NSMCE2: variants seen among roughly 807,000 people sequenced by gnomAD.
NSMCE2 encodes the protein NSE2 SUMO ligase component of SMC5/6 complex, also known as E3 SUMO-protein ligase NSE2.
A neutral mutation model predicts 23.8 loss-of-function variants in NSMCE2; 24 were observed. The observed-to-expected ratio is 1.01, with a 90% CI of 0.73 to 1.42. NSMCE2 has a LOEUF of 1.42. Among genes scored for constraint, NSMCE2 ranks in the 40% most tolerant of loss-of-function variants. The pLI, the probability that NSMCE2 is intolerant of heterozygous loss-of-function variation, is 0.00. For synonymous variants in NSMCE2, 92 were observed against 94.1 expected, an observed-to-expected ratio of 0.98 and a Z score of 0.13; for missense variants, 284 against 296.5, an observed-to-expected ratio of 0.96 and a Z score of 0.31.
At chr8:125,248,685 A>G (rs904267751) in intron 5 of NSMCE2, among the ~76,000 whole-genome samples, 2 of 152,136 alleles carry the variant, frequency 1.3e-5, no homozygotes, top group African/African-American at 2.4e-5. Context: ...TCCTTGATAC[A>G]TTAAGTTTTT....
At chr8:125,198,741 G>A (rs781093669) in intron 5 of NSMCE2, among the ~76,000 whole-genome samples, 5 of 152,170 alleles carry the variant, frequency 3.3e-5, no homozygotes, top group Non-Finnish European at 4.4e-5. Flanking sequence ...TCTGTTGATT[G>A]GAATGGTTTC....
intron 3 of NSMCE2, among the ~76,000 whole-genome samples, chr8:125,146,242 T>C (rs932337746): frequency 6.6e-6 from 1 of 152,166 alleles, no homozygotes; most frequent in Non-Finnish European, 1.5e-5. Flanking sequence ...CTTGTCCTCC[T>C]TGTGTTTAAA....
intron 3 of NSMCE2, among the ~76,000 whole-genome samples, chr8:125,136,050 G>A (rs1477134879): frequency 2.0e-5 from 3 of 152,126 alleles, no homozygotes; most frequent in African/African-American, 7.2e-5. Flanking sequence ...AGTCACTCTT[G>A]TTCTTTCCTC....
chr8:125,298,986 C>T (rs971161218), intron 5 of NSMCE2, among the ~76,000 whole-genome samples: 2 of 152,152 alleles, frequency 1.3e-5, no homozygotes, highest in African/African-American at 4.8e-5. Flanking sequence ...ATTGCTGAAA[C>T]ATTTTTCTGC....
chr8:125,203,306 G>C (rs1823968240), intron 5 of NSMCE2, among the ~76,000 whole-genome samples: 1 of 151,882 alleles, frequency 6.6e-6, no homozygotes, highest in Non-Finnish European at 1.5e-5. Flanking sequence ...CTGTTTGCCA[G>C]ATTATAGACT....
chr8:125,116,082 T>G (rs1818993792), intron 3 of NSMCE2, among the ~76,000 whole-genome samples: 1 of 152,228 alleles, frequency 6.6e-6, no homozygotes. Flanking sequence ...GTCTCTTTCC[T>G]TTCTTTCCTC....
At position 125,253,208 on chromosome 8, in the gene NSMCE2, G is replaced by C. The variant is rs189355920; in HGVS notation, c.418+70952G>C. ...TGGAAGTTTATATACACTTAAGGGA[G>C]CTACCTGTTCCCTTCTCTTGAAGGA... On this transcript the variant is annotated intron_variant, in intron 5 of 7. Coordinates refer to ENST00000287437, the MANE Select transcript of NSMCE2 (RefSeq NM_173685.4). 1.3e-4 allele frequency among the ~76,000 whole-genome samples: 20 copies of C among 152,286 alleles called. No homozygotes were observed. In the East Asian group the frequency reaches 3.9e-3, roughly 29 times the overall value.
At chr8:125,154,238 G>A (rs914987063) in intron 4 of NSMCE2, among the ~76,000 whole-genome samples, 1 of 152,076 alleles carries the variant, frequency 6.6e-6, no homozygotes, top group Non-Finnish European at 1.5e-5. Context: ...TCATTAAAGA[G>A]CATTTGAATT....
chr8:125,330,429 G>A (rs1829834408), intron 5 of NSMCE2, among the ~76,000 whole-genome samples: 2 of 151,958 alleles, frequency 1.3e-5, no homozygotes, highest in South Asian at 4.2e-4. Context: ...ACCCACCTCG[G>A]CCTCCCAAAG....
chr8:125,318,387 G>A (rs1829292490), intron 5 of NSMCE2, among the ~76,000 whole-genome samples: 1 of 152,134 alleles, frequency 6.6e-6, no homozygotes. Context: ...CAGCCTGGGC[G>A]ACACAGTGAG....
intron 3 of NSMCE2, among the ~76,000 whole-genome samples, chr8:125,135,436 T>A (rs1820016394): frequency 6.6e-6 from 1 of 152,168 alleles, no homozygotes; most frequent in Non-Finnish European, 1.5e-5. Context: ...TGTGCTTTGC[T>A]CTTGTATCTA....
rs2130932362 is a variant in NSMCE2, at chr8:125,226,693, A to AAG, written c.418+44440_418+44441dup. 2.0e-5 allele frequency among the ~76,000 whole-genome samples: 3 copies of AAG among 152,260 alleles called. No homozygotes were observed. The South Asian group carries it at 6.2e-4, about 32-fold the overall frequency. On this transcript the variant is annotated intron_variant, in intron 5 of 7. Coordinates refer to ENST00000287437, the MANE Select transcript of NSMCE2 (RefSeq NM_173685.4). ...GAATGAAAACATGATTTGGGTAGTG[A>AAG]AGAGGTGGAGAGGAGAGGCAGAGGG...
intron 5 of NSMCE2, among the ~76,000 whole-genome samples, chr8:125,307,581 G>A (rs1311407737): frequency 6.6e-6 from 1 of 152,190 alleles, no homozygotes; most frequent in African/African-American, 2.4e-5. Context: ...CTCTCACTGA[G>A]CACTTCCCCT....
At position 125,302,968 on chromosome 8, in the gene NSMCE2, C is replaced by T. The variant is rs75434718; in HGVS notation, c.419-54251C>T. 2.5e-3 allele frequency among the ~76,000 whole-genome samples: 381 copies of T among 152,278 alleles called. 13 individuals carry two copies. In the East Asian group the frequency reaches 0.056, roughly 22 times the overall value. On this transcript the variant is annotated intron_variant, in intron 5 of 7. Coordinates refer to ENST00000287437, the MANE Select transcript of NSMCE2 (RefSeq NM_173685.4). ...CCACACACACATTTTCCCCAGGGCA[C>T]GGAGCAGGGTAACGCAGTGTCCATG...
At chr8:125,249,026 C>G (rs1365791870) in intron 5 of NSMCE2, among the ~76,000 whole-genome samples, 2 of 152,134 alleles carry the variant, frequency 1.3e-5, no homozygotes, top group African/African-American at 4.8e-5. Context: ...AAAAAATTAG[C>G]CGAGTATGGT....
chr8:125,201,466 A>G (rs1390877143), intron 5 of NSMCE2, among the ~76,000 whole-genome samples: 3 of 152,232 alleles, frequency 2.0e-5, no homozygotes, highest in African/African-American at 7.2e-5. Flanking sequence ...CTGGAGGTCC[A>G]TTCCAGACCT....
At chr8:125,180,387 C>T (rs1239861118) in intron 4 of NSMCE2, among the ~76,000 whole-genome samples, 1 of 152,090 alleles carries the variant, frequency 6.6e-6, no homozygotes, top group Non-Finnish European at 1.5e-5. Flanking sequence ...GAAGACAGTC[C>T]GTTCCTACAC....
At chr8:125,275,080 C>T (rs1827396708) in intron 5 of NSMCE2, among the ~76,000 whole-genome samples, 1 of 151,376 alleles carries the variant, frequency 6.6e-6, no homozygotes, top group Non-Finnish European at 1.5e-5. Flanking sequence ...ACTTCTTTTT[C>T]CCCCATCTTC....
chr8:125,122,167 T>C (rs1176232531), intron 3 of NSMCE2, among the ~76,000 whole-genome samples: 2 of 107,662 alleles, frequency 1.9e-5, no homozygotes, highest in African/African-American at 5.0e-5. Flanking sequence ...GTTCTCTGGC[T>C]GAGCCAAAAA....
Sources: allele counts gnomAD v4.1 joint callset (sites outside exome capture counted in the v4.1 genomes callset), GRCh38; gene constraint gnomAD v4.1.1; transcripts MANE v1.5; gene names NCBI Gene and HGNC (gene_info 2026-07-23, HGNC 2026-07-21).